The following NEO1 variants were observed in gnomAD, a reference collection of about 807,000 sequenced individuals.
NEO1 encodes neogenin.
NEO1 carries 63 observed loss-of-function variants against 159.7 expected under a neutral mutation model. The observed-to-expected ratio is 0.39, with a 90% CI of 0.32 to 0.49. The LOEUF is 0.49. Ranked by LOEUF, NEO1 falls within the 20% of genes least tolerant of loss-of-function variation. NEO1 has a pLI of 0.85. For synonymous variants in NEO1, 633 were observed against 662.0 expected, an observed-to-expected ratio of 0.96 and a Z score of 0.67; for missense variants, 1,615 against 1,831.0, an observed-to-expected ratio of 0.88 and a Z score of 2.15.
Position 73,270,404 on chromosome 15 carries a change from G to A in NEO1, c.2807G>A (p.Arg936Gln), listed in dbSNP as rs1250227209. Residue 936 changes from arginine (R) to glutamine (Q), a missense_variant, in exon 18 of 29, where the codon CGA becomes CAA. Physicochemically the swap from Arg to Gln is conservative, Grantham distance 43. Around this residue, in one of 3 missense-constraint regions of NEO1, gnomAD observed 126 missense variants for 216.7 expected, o/e 0.58. Transcript: ENST00000261908. The stretch of plus-strand genomic sequence containing the variant: ...TTCTCTGTGATGGTGACCAAAGGTC[G>A]AAGATCAAGTACATGGAGTATGACA... ...YEFSVMVTKG[R>Q]RSSTWSMTAH... 6.2e-6 allele frequency: 10 copies of A among 1,613,932 alleles called. No individual in the cohort carries two copies. Among genetic ancestry groups the A allele is most frequent in the South Asian group, 1.1e-5 (1 of 91,086 alleles).
At chr15:73,156,949 G>C (rs1372953606) in intron 5 of NEO1, among the ~76,000 whole-genome samples, 1 of 152,172 alleles carries the variant, frequency 6.6e-6, no homozygotes, top group East Asian at 1.9e-4. Context: ...CTATGCCGAA[G>C]TCTTAACATG....
At chr15:73,221,259 ATGC>A (rs1465627816) in intron 7 of NEO1, among the ~76,000 whole-genome samples, 1 of 152,196 alleles carries the variant, frequency 6.6e-6, no homozygotes, top group Non-Finnish European at 1.5e-5. Flanking sequence ...TGAACCACGA[ATGC>A]TGCTGTCTGA....
chr15:73,267,175 A>G (rs1191466572), intron 16 of NEO1, among the ~76,000 whole-genome samples: 3 of 152,180 alleles, frequency 2.0e-5, no homozygotes, highest in African/African-American at 7.2e-5. Flanking sequence ...GGAGAATGGC[A>G]TGAACTCAGG....
At chr15:73,222,327 A>G (rs2038340850) in intron 7 of NEO1, among the ~76,000 whole-genome samples, 4 of 151,434 alleles carry the variant, frequency 2.6e-5, no homozygotes, top group Non-Finnish European at 5.9e-5. Context: ...GATGGTCTCA[A>G]TCTCCTGACC....
intron 7 of NEO1, among the ~76,000 whole-genome samples, chr15:73,212,826 G>A (rs140456955): frequency 5.3e-5 from 8 of 152,206 alleles, no homozygotes; most frequent in African/African-American, 1.7e-4. Context: ...ATACTATTCA[G>A]CAATTAGAAA....
intron 5 of NEO1, among the ~76,000 whole-genome samples, chr15:73,157,145 C>G (rs1353854421): frequency 6.6e-6 from 1 of 152,226 alleles, no homozygotes; most frequent in Non-Finnish European, 1.5e-5. Flanking sequence ...CCAGCTTAAT[C>G]CCAAGCCTCC....
chr15:73,296,455 T>C (rs529811306), intron 26 of NEO1, among the ~76,000 whole-genome samples: 2 of 152,172 alleles, frequency 1.3e-5, no homozygotes, highest in South Asian at 2.1e-4. Flanking sequence ...AGGGCCAACA[T>C]AGTTAGGCAC....
In NEO1 at chr15:73,126,400, A is replaced by ATTTT; in HGVS notation, c.725-6_725-3dup. On this transcript the variant is annotated splice_polypyrimidine_tract_variant and intron_variant, in intron 3 of 28. Transcript: ENST00000261908. Reference sequence around the variant, plus strand: ...TGTCCTTTAATTATTGTCTTTGTTAATTTTTTTTTTTTTTAGATCCTGAGG... The same window carrying ATTTT: ...TGTCCTTTAATTATTGTCTTTGTTAATTTTTTTTTTTTTTTTTTAGATCCTGAGG... 1.5e-6 allele frequency: 2 copies of ATTTT among 1,311,742 alleles called. No homozygotes were observed. Among genetic ancestry groups the ATTTT allele is most frequent in the Non-Finnish European group, 2.1e-6 (2 of 960,184 alleles). The allele number at this position is 1,311,742 out of a possible 1,614,324, so 81.3% of individuals were successfully genotyped here. A position where few individuals can be genotyped will look rare whatever the true frequency, so the allele number is the denominator to read the frequency against.
chr15:73,186,346 A>C (rs757163275), intron 7 of NEO1, among the ~76,000 whole-genome samples: 24 of 152,080 alleles, frequency 1.6e-4, no homozygotes, highest in Non-Finnish European at 2.8e-4. Flanking sequence ...GGCAACCAAA[A>C]AAAAGGCAAC....
In NEO1 at chr15:73,272,439, T is replaced by A. The variant is rs772388715; in HGVS notation, c.2858-16T>A. The A allele has an allele frequency of 5.1e-6, 8 of 1,582,574 alleles. No homozygotes were observed. The South Asian group carries it at 8.9e-5, about 18-fold the overall frequency. On this transcript the variant is annotated splice_polypyrimidine_tract_variant and intron_variant, in intron 18 of 28. Coordinates refer to ENST00000261908, the MANE Select transcript of NEO1 (RefSeq NM_002499.4). ...TGAAATGGACAGAAATTATTAAAAA[T>A]TTTGTTATTTTGTAGTTCCGACTTC...
intron 23 of NEO1, 136 bp downstream of exon 23, chr15:73,283,247 A>T: frequency 9.2e-7 from 1 of 1,081,128 alleles, no homozygotes; most frequent in Non-Finnish European, 1.3e-6. Flanking sequence ...TTTAAAAGAA[A>T]ATGGGAAGTG....
chr15:73,277,344 T>C (rs1026493428), intron 21 of NEO1, among the ~76,000 whole-genome samples: 2 of 152,238 alleles, frequency 1.3e-5, no homozygotes, highest in African/African-American at 4.8e-5. Flanking sequence ...CAGCTTTTCC[T>C]ATAAATGTGA....
chr15:73,296,197 G>A (rs377023441), intron 26 of NEO1, among the ~76,000 whole-genome samples: 2 of 152,110 alleles, frequency 1.3e-5, no homozygotes, highest in African/African-American at 4.8e-5. Context: ...AGGAGAGGCC[G>A]GTTTGCCCAG....
intron 28 of NEO1, 106 bp from the exon 29 acceptor site, chr15:73,302,506 TG>T: frequency 3.1e-6 from 3 of 971,834 alleles, no homozygotes; most frequent in Non-Finnish European, 4.7e-6. Context: ...GCCAGTTTTC[TG>T]GGGCCATTTG....
rs1463161356 is a variant in NEO1 at position 73,260,334 on chromosome 15, T to C, written c.2267T>C (p.Val756Ala). Residue 756 changes from valine to alanine, a missense_variant, in exon 15 of 29, where the codon GTG (valine) becomes GCG (alanine). Around this residue, in one of 3 missense-constraint regions of NEO1, gnomAD observed 1,018 missense variants for 1,115.4 expected, o/e 0.91. Transcript: ENST00000261908. Reference sequence around the variant, plus strand: ...CGCCCGCTCGTTACTAGCATCGTAGTGAGCTGGACTCCTCCAGAGAATCAG... The same window carrying C: ...CGCCCGCTCGTTACTAGCATCGTAGCGAGCTGGACTCCTCCAGAGAATCAG... ...HVRPLVTSIV[V>A]SWTPPENQNI... 6.2e-7 allele frequency: 1 copy of C among 1,614,078 alleles called. No homozygotes were observed. The highest frequency in any genetic ancestry group is 8.5e-7 in the Non-Finnish European group (1 of 1,179,964).
chr15:73,129,577 G>T (rs1352258263), intron 4 of NEO1, among the ~76,000 whole-genome samples: 1 of 152,092 alleles, frequency 6.6e-6, no homozygotes, highest in Non-Finnish European at 1.5e-5. Flanking sequence ...AATGAAAGAG[G>T]GGGGTGGAAA....
intron 5 of NEO1, among the ~76,000 whole-genome samples, chr15:73,170,358 C>T (rs1403423641): frequency 6.6e-6 from 1 of 152,046 alleles, no homozygotes; most frequent in African/African-American, 2.4e-5. Context: ...GAAGATTCAG[C>T]TAAAAGCTAC....
intron 12 of NEO1, 23 bp from the exon 13 acceptor site, chr15:73,254,659 T>C (rs1272761736): frequency 1.9e-6 from 3 of 1,565,428 alleles, no homozygotes; most frequent in South Asian, 2.4e-5. Flanking sequence ...TCAGCCTTTT[T>C]TCTATAATTC....
Position 73,288,495 on chromosome 15 carries a change from C to T in NEO1, c.3593C>T (p.Thr1198Ile), listed in dbSNP as rs779145633. 9.3e-6 allele frequency: 15 copies of T among 1,614,180 alleles called. No homozygotes were observed. The Admixed American group carries it at 2.2e-4, about 23-fold the overall frequency. Residue 1198 changes from threonine (T) to isoleucine (I), a missense_variant, in exon 24 of 29, where the codon ACA (threonine) becomes ATA (isoleucine). Transcript: ENST00000261908. ...TPIPRNSQDITPVDNSMDSNI... is the reference protein window; with the variant it reads ...TPIPRNSQDIIPVDNSMDSNI... ...ATTCCTCGCAACTCTCAAGATATCA[C>T]ACCAGTTGACAACTCCATGGACAGC...
Sources: gnomAD v4.1 joint callset for allele counts (sites outside exome capture counted in the v4.1 genomes callset) on GRCh38, gnomAD v4.1.1 for gene constraint, gnomAD v4.1.1 regional missense constraint, MANE v1.5 for transcripts, NCBI Gene and HGNC (gene_info 2026-07-23, HGNC 2026-07-21) for gene names.